ADAMTS6: variants seen among roughly 807,000 people sequenced by gnomAD.
ADAMTS6 encodes A disintegrin and metalloproteinase with thrombospondin motifs 6.
A neutral mutation model predicts 144.3 loss-of-function variants in ADAMTS6; 23 were observed. The observed-to-expected ratio is 0.16, with a 90% CI of 0.11 to 0.23. The LOEUF is 0.23. Ranked by LOEUF, ADAMTS6 falls within the 10% of genes least tolerant of loss-of-function variation. The probability of loss-of-function intolerance (pLI) is 1.00; values close to 1 mark genes in which losing one functional copy is unlikely to be tolerated. For missense variants in ADAMTS6, 999 were observed against 1,379.6 expected, an observed-to-expected ratio of 0.72 and a Z score of 4.37; for synonymous variants, 444 against 457.5, an observed-to-expected ratio of 0.97 and a Z score of 0.38.
Position 65,471,098 on chromosome 5 carries a change from T to C in ADAMTS6, c.142A>G (p.Ile48Val), listed in dbSNP as rs778475793. 15 of 1,608,844 alleles carry C rather than the reference T, an allele frequency of 9.3e-6. No homozygotes were observed. In the South Asian group the frequency reaches 1.7e-4, roughly 18 times the overall value. ...YLEHYQLTIP[I>V]RVDQNGAFLS... ...AATGCTCCATTTTGATCAACCCTTA[T>C]TGGAATAGTTAGCTGGTAGTGTTCA... Residue 48 changes from isoleucine to valine, a missense_variant, in exon 3 of 25, where the codon ATA becomes GTA. Ile to Val is a conservative substitution (Grantham distance 29, BLOSUM62 3). Transcript: ENST00000381055.
At chr5:65,362,449 C>A (rs916070103) in intron 7 of ADAMTS6, among the ~76,000 whole-genome samples, 25 of 152,114 alleles carry the variant, frequency 1.6e-4, no homozygotes, top group Non-Finnish European at 7.3e-5. Flanking sequence ...GTCGTTTTGA[C>A]CAGAGACAAT....
At chr5:65,422,402 C>T (rs1324349012) in intron 7 of ADAMTS6, among the ~76,000 whole-genome samples, 4 of 152,242 alleles carry the variant, frequency 2.6e-5, no homozygotes, top group South Asian at 2.1e-4. Flanking sequence ...GAGTCCAAGG[C>T]GGGCGGATCA....
intron 7 of ADAMTS6, among the ~76,000 whole-genome samples, chr5:65,437,176 G>A (rs1415707994): frequency 6.6e-6 from 1 of 150,720 alleles, no homozygotes; most frequent in Non-Finnish European, 1.5e-5. Flanking sequence ...CTCACTGCAA[G>A]CTCCACCTCC....
intron 7 of ADAMTS6, among the ~76,000 whole-genome samples, chr5:65,403,754 C>A (rs930249031): frequency 2.6e-5 from 4 of 152,046 alleles, no homozygotes; most frequent in African/African-American, 4.8e-5. Context: ...TAGCAATTCC[C>A]ACACACATAT....
At chr5:65,228,076 C>G (rs1428533421) in intron 15 of ADAMTS6, among the ~76,000 whole-genome samples, 1 of 152,104 alleles carries the variant, frequency 6.6e-6, no homozygotes, top group African/African-American at 2.4e-5. Flanking sequence ...TCTTCCCAAA[C>G]TGATAATAAA....
In ADAMTS6 at chr5:65,419,195, C is replaced by G. The variant is rs530491913; in HGVS notation, c.1073+32280G>C. ...ATAAAGAAAATGTGGTAAATATACA[C>G]TATGGGATACTACATGGCCATAACA... On this transcript the variant is annotated intron_variant, in intron 7 of 24. Transcript: ENST00000381055. Among the ~76,000 whole-genome samples, 7 of 152,294 alleles carry G rather than the reference C, an allele frequency of 4.6e-5. No individual in the cohort carries two copies. The South Asian group carries it at 1.5e-3, about 32-fold the overall frequency.
At chr5:65,161,110 C>A (rs1752745262) in intron 24 of ADAMTS6, among the ~76,000 whole-genome samples, 1 of 152,080 alleles carries the variant, frequency 6.6e-6, no homozygotes, top group South Asian at 2.1e-4. Flanking sequence ...GTGATCATGG[C>A]TCACTGCAAC....
chr5:65,327,407 C>G (rs960215942), intron 9 of ADAMTS6, among the ~76,000 whole-genome samples: 19 of 151,818 alleles, frequency 1.3e-4, no homozygotes, highest in African/African-American at 4.6e-4. Flanking sequence ...TGGTGATAAA[C>G]TGGACATGGG....
Position 65,324,323 on chromosome 5 carries a change from TAG to T in ADAMTS6, c.1223+5053_1223+5054del, listed in dbSNP as rs1162517626. ...GGAGCATAGATCTAAATATAAAAGCTAGAAGTATAAATCTTCTCCAGGAAAAT... is the reference window on the plus strand; with the variant it reads ...GGAGCATAGATCTAAATATAAAAGCTAAGTATAAATCTTCTCCAGGAAAAT... On this transcript the variant is annotated intron_variant, in intron 9 of 24. Coordinates refer to ENST00000381055, the MANE Select transcript of ADAMTS6 (RefSeq NM_197941.4). Among the ~76,000 whole-genome samples, 3 of 152,274 alleles carry T rather than the reference TAG, an allele frequency of 2.0e-5. No individual in the cohort carries two copies. The East Asian group carries it at 5.8e-4, about 29-fold the overall frequency.
chr5:65,321,321 A>G (rs1745590792), intron 9 of ADAMTS6, among the ~76,000 whole-genome samples: 1 of 151,548 alleles, frequency 6.6e-6, no homozygotes, highest in Admixed American at 6.6e-5. Context: ...CTTTTTTTTC[A>G]TATATGTATG....
intron 21 of ADAMTS6, among the ~76,000 whole-genome samples, chr5:65,188,629 T>A (rs148480541): frequency 6.6e-6 from 1 of 152,160 alleles, no homozygotes; most frequent in African/African-American, 2.4e-5. Flanking sequence ...AGTTCTGATT[T>A]GTGGCATTTG....
Position 65,373,062 on chromosome 5 carries a change from G to T in ADAMTS6, c.1074-38977C>A, listed in dbSNP as rs575192257. ...CAAAGATGTTCTTTGAAACCAATGA[G>T]AACAAAGACACAACATACCAGAATC... is the stretch of plus-strand genomic sequence containing the variant. On this transcript the variant is annotated intron_variant, in intron 7 of 24. Coordinates refer to ENST00000381055, the MANE Select transcript of ADAMTS6 (RefSeq NM_197941.4). Among the ~76,000 whole-genome samples the T allele has an allele frequency of 3.3e-5, 5 of 152,158 alleles. No homozygotes were observed. In the East Asian group the frequency reaches 7.7e-4, roughly 24 times the overall value.
At chr5:65,377,280 T>C (rs1272956354) in intron 7 of ADAMTS6, among the ~76,000 whole-genome samples, 2 of 152,202 alleles carry the variant, frequency 1.3e-5, no homozygotes, top group Admixed American at 1.3e-4. Flanking sequence ...ATGTGCTCTA[T>C]GACCCATACT....
chr5:65,268,879 T>C (rs1761839718), intron 12 of ADAMTS6, among the ~76,000 whole-genome samples: 1 of 152,228 alleles, frequency 6.6e-6, no homozygotes, highest in African/African-American at 2.4e-5. Context: ...TCTGGATATG[T>C]CTATGCTATC....
intron 23 of ADAMTS6, among the ~76,000 whole-genome samples, chr5:65,171,013 A>AT (rs562321236): frequency 0.038 from 5,488 of 144,082 alleles, 298 homozygotes; most frequent in African/African-American, 0.12. Context: ...CACAATATTA[A>AT]TTTTTTTTTT....
At position 65,214,354 on chromosome 5, in the gene ADAMTS6, G is replaced by T. The variant is rs1580077556; in HGVS notation, c.2575+440C>A. ...ATGGCAGGAGAAGGGAGTTTGAATA[G>T]GATTGTGGCAAACACACAGGCACAC... On this transcript the variant is annotated intron_variant, in intron 20 of 24. Transcript: ENST00000381055. This position sits in a 1 kb window ranked among gnomAD's most constrained non-coding sequence, Gnocchi z 4.6. The T allele has an allele frequency of 3.1e-6, 1 of 324,960 alleles. No homozygotes were observed. The highest frequency in any genetic ancestry group is 8.4e-5 in the East Asian group (1 of 11,858). The allele number at this position is 324,960 out of a possible 1,614,324, so 20.1% of individuals were successfully genotyped here. A position where few individuals can be genotyped will look rare whatever the true frequency, so the allele number is the denominator to read the frequency against.
At chr5:65,261,179 T>G (rs1292697599) in intron 13 of ADAMTS6, among the ~76,000 whole-genome samples, 2 of 152,158 alleles carry the variant, frequency 1.3e-5, no homozygotes, top group African/African-American at 4.8e-5. Context: ...AATTTCCATC[T>G]TATTTCAAAA....
intron 7 of ADAMTS6, chr5:65,415,301 T>G (rs923079896): frequency 6.5e-6 from 1 of 154,066 alleles, no homozygotes; most frequent in Admixed American, 6.5e-5. Context: ...TCGAACCCAC[T>G]AGGATGGCTA....
intron 7 of ADAMTS6, among the ~76,000 whole-genome samples, chr5:65,371,433 G>C (rs1224979547): frequency 2.0e-5 from 3 of 152,020 alleles, no homozygotes; most frequent in African/African-American, 7.3e-5. Flanking sequence ...TAAAGGAGCT[G>C]ATGGAGCTGA....
Sources: gnomAD v4.1 joint callset for allele counts (sites outside exome capture counted in the v4.1 genomes callset) on GRCh38, gnomAD v4.1.1 for gene constraint, Gnocchi (gnomAD v3.1) non-coding constraint, MANE v1.5 for transcripts, NCBI Gene and HGNC (gene_info 2026-07-23, HGNC 2026-07-21) for gene names.